The following GSDME variants were observed in gnomAD, a reference collection of about 807,000 sequenced individuals.
GSDME encodes the protein gasdermin-E.
A neutral mutation model predicts 47.5 loss-of-function variants in GSDME; 44 were observed. That is an observed-to-expected ratio of 0.93 (90% CI 0.73 to 1.19). The LOEUF is 1.19. GSDME is among the 50% of genes most tolerant of loss of function. The pLI is 0.00. For synonymous variants in GSDME, 258 were observed against 252.8 expected (o/e 1.02, Z -0.20); for missense variants, 663 against 604.2 (o/e 1.10, Z -1.02).
rs1026243962 is a variant in GSDME, at chr7:24,756,486, G to C, written c.-20+910C>G. Among the ~76,000 whole-genome samples, 1 of 152,196 alleles carries C rather than the reference G, an allele frequency of 6.6e-6. No homozygotes were observed. The highest frequency in any genetic ancestry group is 2.1e-4 in the South Asian group (1 of 4,832). On this transcript the variant is annotated intron_variant, in intron 1 of 9. Coordinates refer to ENST00000645220, the MANE Select transcript of GSDME (RefSeq NM_001127453.2). This position sits in a 1 kb window ranked among gnomAD's most constrained non-coding sequence, Gnocchi z 4.2. ...AAAGAGCTTGGTGGTGGTAGATTGT[G>C]AAGACAATTAATTTCACTCTTCAGC...
intron 9 of GSDME, among the ~76,000 whole-genome samples, chr7:24,701,156 C>G (rs1305890229): frequency 2.0e-5 from 3 of 152,182 alleles, no homozygotes; most frequent in Non-Finnish European, 4.4e-5. Flanking sequence ...AAGTAAATCC[C>G]TTAAAGAAAC....
intron 8 of GSDME, chr7:24,704,461 A>G (rs985305138): frequency 2.0e-5 from 3 of 152,096 alleles, no homozygotes; most frequent in East Asian, 1.9e-4. Flanking sequence ...TATTAAGAGG[A>G]AAAAAAATGA....
At chr7:24,781,268 G>A in the GSDME span, among the ~76,000 whole-genome samples, 1 of 152,194 alleles carries the variant, frequency 6.6e-6, no homozygotes, top group Non-Finnish European at 1.5e-5. Context: ...AGGGGAAGCA[G>A]ATGTGGGAGG....
At chr7:24,758,181 T>C (rs940876162), upstream of GSDME, 4 of 152,258 alleles carry the variant, frequency 2.6e-5, no homozygotes, top group African/African-American at 9.6e-5. The surrounding 1 kb of genome is among the most constrained non-coding windows in gnomAD (Gnocchi z 4.6). Context: ...TAACCATTAC[T>C]TAAGTTGTTA....
chr7:24,728,689 C>T lies in GSDME; in HGVS notation c.405-9471G>A, dbSNP rs558368941. On this transcript the variant is annotated intron_variant, in intron 3 of 9. Transcript: ENST00000645220. This position sits in a 1 kb window ranked among gnomAD's most constrained non-coding sequence, Gnocchi z 7.2. ...GTCAGGAAGTGGATCCTCTTGGAAA[C>T]GAAAGCAGCCGCCCACTGTCTCCCC... Among the ~76,000 whole-genome samples the T allele has an allele frequency of 6.6e-5, 10 of 152,272 alleles. No individual in the cohort carries two copies. Among genetic ancestry groups the T allele is most frequent in the South Asian group, 4.1e-4 (2 of 4,822 alleles).
chr7:24,749,445 T>C (rs1790781206), intron 2 of GSDME, 119 bp downstream of exon 2: 1 of 861,490 alleles, frequency 1.2e-6, no homozygotes, highest in African/African-American at 1.8e-5. Flanking sequence ...GAGGTTGCAA[T>C]GGGCCAAGAT....
the GSDME span, among the ~76,000 whole-genome samples, chr7:24,781,764 G>A: frequency 6.8e-6 from 1 of 146,388 alleles, no homozygotes; most frequent in Non-Finnish European, 1.5e-5. Flanking sequence ...TGGGGGTGGG[G>A]ACAAGGTTTC....
At chr7:24,711,079 G>A (rs1789334771) in intron 5 of GSDME, among the ~76,000 whole-genome samples, 1 of 152,152 alleles carries the variant, frequency 6.6e-6, no homozygotes. Flanking sequence ...TAATCCAGCA[G>A]GAGAGGAAGG....
upstream of GSDME, chr7:24,757,473 G>C (rs997127003): frequency 6.6e-6 from 1 of 151,662 alleles, no homozygotes; most frequent in Non-Finnish European, 1.5e-5. This position sits in a 1 kb window ranked among gnomAD's most constrained non-coding sequence, Gnocchi z 5.9. Flanking sequence ...CTGGGCCGGC[G>C]GGGGGCGGGC....
At chr7:24,750,580 T>A (rs1790825083) in intron 1 of GSDME, among the ~76,000 whole-genome samples, 1 of 152,160 alleles carries the variant, frequency 6.6e-6, no homozygotes, top group African/African-American at 2.4e-5. Flanking sequence ...GTCACCATAC[T>A]CCAGTCTGGG....
At chr7:24,790,235 G>A in the GSDME span, among the ~76,000 whole-genome samples, 25 of 152,296 alleles carry the variant, frequency 1.6e-4, no homozygotes, top group African/African-American at 5.3e-4. This position sits in a 1 kb window ranked among gnomAD's most constrained non-coding sequence, Gnocchi z 4.1. Flanking sequence ...TCAAGGCTCT[G>A]CCAGTTTTAT....
the GSDME span, among the ~76,000 whole-genome samples, chr7:24,792,349 G>A: frequency 1.3e-5 from 2 of 152,116 alleles, no homozygotes; most frequent in African/African-American, 2.4e-5. Context: ...TGTATATTGG[G>A]GGGCAAGACT....
the GSDME span, among the ~76,000 whole-genome samples, chr7:24,793,811 G>A: frequency 6.9e-6 from 1 of 145,510 alleles, no homozygotes; most frequent in Middle Eastern, 3.6e-3. Context: ...ACTTAGGATA[G>A]TTCTGAACTG....
chr7:24,735,756 CT>C lies in GSDME; in HGVS notation c.404+8805del, dbSNP rs1487914563. 7.7e-6 allele frequency among the ~76,000 whole-genome samples: 1 copy of C among 129,676 alleles called. No homozygotes were observed. Among genetic ancestry groups the C allele is most frequent in the African/African-American group, 3.0e-5 (1 of 33,798 alleles). The allele number at this position is 129,676 out of a possible 152,430, so 85.1% of individuals were successfully genotyped here. The stretch of plus-strand genomic sequence containing the variant: ...CTGGGTGACAACAGCAAAACTCTAT[CT>C]CAAAAATAAATAAATAAATAAATAA... On this transcript the variant is annotated intron_variant, in intron 3 of 9. Coordinates refer to ENST00000645220, the MANE Select transcript of GSDME (RefSeq NM_001127453.2). This position sits in a 1 kb window ranked among gnomAD's most constrained non-coding sequence, Gnocchi z 4.4.
At chr7:24,795,216 G>T in the GSDME span, among the ~76,000 whole-genome samples, 1 of 152,176 alleles carries the variant, frequency 6.6e-6, no homozygotes, top group African/African-American at 2.4e-5. Flanking sequence ...TTACCCAGCT[G>T]AAAGCACTCT....
chr7:24,718,944 ACG>A, intron 4 of GSDME, 101 bp downstream of exon 4: 1 of 1,313,732 alleles, frequency 7.6e-7, no homozygotes, highest in South Asian at 1.2e-5. Flanking sequence ...TTAACTTGCT[ACG>A]GAAAGAGTCC....
chr7:24,775,433 A>T, the GSDME span, among the ~76,000 whole-genome samples: 1 of 152,232 alleles, frequency 6.6e-6, no homozygotes, highest in Admixed American at 6.5e-5. Context: ...CCTAAAAATC[A>T]TATCGCTTGG....
chr7:24,707,280 G>T, intron 7 of GSDME: 1 of 468,712 alleles, frequency 2.1e-6, no homozygotes. Flanking sequence ...AAACAAAACT[G>T]TAGTCAAAAT....
intron 5 of GSDME, among the ~76,000 whole-genome samples, chr7:24,713,927 G>A (rs975355001): frequency 6.6e-6 from 1 of 152,164 alleles, no homozygotes; most frequent in African/African-American, 2.4e-5. Flanking sequence ...CTGCACTCCA[G>A]CCTAGGTCAC....
Sources: gnomAD v4.1 joint callset for allele counts (sites outside exome capture counted in the v4.1 genomes callset) on GRCh38, gnomAD v4.1.1 for gene constraint, Gnocchi (gnomAD v3.1) non-coding constraint, MANE v1.5 for transcripts, NCBI Gene and HGNC (gene_info 2026-07-23, HGNC 2026-07-21) for gene names.